CMIP: variants seen among roughly 807,000 people sequenced by gnomAD.
The protein encoded by CMIP is C-Maf-inducing protein.
Under a neutral mutation model 97.3 loss-of-function variants are expected in CMIP, and 13 were observed. That is an observed-to-expected ratio of 0.13 (90% confidence interval 0.09 to 0.21). The LOEUF (loss-of-function observed/expected upper bound fraction) is 0.21. CMIP is among the 10% of genes least tolerant of loss of function. CMIP has a pLI of 1.00. For synonymous variants in CMIP, 538 were observed against 436.3 expected (o/e 1.23, Z -2.91); for missense variants, 847 against 1,024.9 (o/e 0.83, Z 2.37).
chr16:81,708,243 C>G (rs1908371291), intron 20 of CMIP, among the ~76,000 whole-genome samples: 1 of 152,254 alleles, frequency 6.6e-6, no homozygotes, highest in African/African-American at 2.4e-5. Flanking sequence ...CAGCAGATCA[C>G]CCATCCCAGC....
chr16:81,469,691 C>G (rs141122258), intron 1 of CMIP, among the ~76,000 whole-genome samples: 3 of 152,292 alleles, frequency 2.0e-5, no homozygotes, highest in African/African-American at 2.4e-5. Flanking sequence ...AGAGAACTCA[C>G]TATGTGTGAC....
chr16:81,689,676 A>G (rs1191527036), intron 10 of CMIP, among the ~76,000 whole-genome samples: 2 of 152,154 alleles, frequency 1.3e-5, no homozygotes, highest in Non-Finnish European at 2.9e-5. Flanking sequence ...CCATTTGTCA[A>G]TTTTGGCTTT....
At chr16:81,617,741 G>C (rs1214817947) in intron 2 of CMIP, among the ~76,000 whole-genome samples, 1 of 152,178 alleles carries the variant, frequency 6.6e-6, no homozygotes, top group Non-Finnish European at 1.5e-5. Flanking sequence ...TGTGGAATCA[G>C]AAATAAGACC....
intron 1 of CMIP, among the ~76,000 whole-genome samples, chr16:81,563,144 A>G (rs561511261): frequency 3.9e-4 from 60 of 152,318 alleles, no homozygotes; most frequent in African/African-American, 1.3e-3. Flanking sequence ...ATCTGCCAAG[A>G]GGGGGCTTTG....
At chr16:81,709,115 T>C (rs983857640) in intron 20 of CMIP, among the ~76,000 whole-genome samples, 3 of 151,930 alleles carry the variant, frequency 2.0e-5, no homozygotes, top group Non-Finnish European at 2.9e-5. Context: ...TGGAGAGACA[T>C]AGCAGGTGGA....
intron 1 of CMIP, among the ~76,000 whole-genome samples, chr16:81,529,050 G>A (rs2090183726): frequency 6.6e-6 from 1 of 152,022 alleles, no homozygotes; most frequent in African/African-American, 2.4e-5. Context: ...TCAGGCCTTG[G>A]CTAGATACAG....
chr16:81,570,048 A>G (rs1181617412), intron 1 of CMIP, among the ~76,000 whole-genome samples: 1 of 152,150 alleles, frequency 6.6e-6, no homozygotes, highest in Non-Finnish European at 1.5e-5. Flanking sequence ...CCTGTGCTAG[A>G]ATCTTCCTTT....
At chr16:81,544,992 C>G (rs887167125) in intron 1 of CMIP, among the ~76,000 whole-genome samples, 9 of 152,146 alleles carry the variant, frequency 5.9e-5, no homozygotes, top group African/African-American at 2.2e-4. Context: ...ATTTTCATCT[C>G]CTGCCAGTTC....
At chr16:81,524,036 T>C (rs1017996970) in intron 1 of CMIP, among the ~76,000 whole-genome samples, 5 of 152,212 alleles carry the variant, frequency 3.3e-5, no homozygotes, top group African/African-American at 1.2e-4. Context: ...TGGAGTAGGC[T>C]TATTTTTCTG....
At chr16:81,559,619 T>C (rs570608271) in intron 1 of CMIP, among the ~76,000 whole-genome samples, 1 of 152,158 alleles carries the variant, frequency 6.6e-6, no homozygotes, top group African/African-American at 2.4e-5. Context: ...GTGCAATGCA[T>C]TGCTCAGGTG....
intron 18 of CMIP, 73 bp downstream of exon 18, chr16:81,704,158 C>G: frequency 7.2e-7 from 1 of 1,383,678 alleles, no homozygotes; most frequent in Admixed American, 2.0e-5. Context: ...CCTATTCCCC[C>G]GTACCATCTT....
At chr16:81,491,776 T>C (rs1013693027) in intron 1 of CMIP, among the ~76,000 whole-genome samples, 1 of 152,234 alleles carries the variant, frequency 6.6e-6, no homozygotes, top group African/African-American at 2.4e-5. Flanking sequence ...TGAGGATTGC[T>C]TGTATCGATT....
intron 1 of CMIP, among the ~76,000 whole-genome samples, chr16:81,572,837 C>A (rs1409891539): frequency 6.6e-6 from 1 of 152,140 alleles, no homozygotes; most frequent in African/African-American, 2.4e-5. Flanking sequence ...TGCTAGCCTG[C>A]CTGGGACTTC....
At chr16:81,556,697 G>A (rs1166445617) in intron 1 of CMIP, among the ~76,000 whole-genome samples, 1 of 152,174 alleles carries the variant, frequency 6.6e-6, no homozygotes, top group Non-Finnish European at 1.5e-5. Context: ...ACAGCAGTGT[G>A]GATGGACCAA....
At chr16:81,488,231 G>T (rs1478798855) in intron 1 of CMIP, among the ~76,000 whole-genome samples, 3 of 152,070 alleles carry the variant, frequency 2.0e-5, no homozygotes, top group Admixed American at 2.0e-4. Context: ...GCGACCGTAG[G>T]GGGTTAAGGG....
intron 1 of CMIP, among the ~76,000 whole-genome samples, chr16:81,584,089 G>C (rs1033615335): frequency 1.3e-5 from 2 of 152,132 alleles, no homozygotes; most frequent in African/African-American, 4.8e-5. Flanking sequence ...TGGGAGCGCC[G>C]AATCCAAGGG....
At chr16:81,672,109 G>A (rs918583121) in intron 9 of CMIP, 39 bp downstream of exon 9, 9 of 1,252,486 alleles carry the variant, frequency 7.2e-6, no homozygotes, top group African/African-American at 1.5e-5. Context: ...GGGCTTGGGA[G>A]GGGCAAACTG....
chr16:81,626,271 CTGAG>C (rs1168295810), intron 3 of CMIP, among the ~76,000 whole-genome samples: 1 of 151,160 alleles, frequency 6.6e-6, no homozygotes, highest in Non-Finnish European at 1.5e-5. Flanking sequence ...GCGAGAGTGA[CTGAG>C]TGTGACTGTG....
Position 81,709,836 on chromosome 16 carries a change from C to G in CMIP, c.*37C>G, listed in dbSNP as rs372049927. ...CAAGGCAGGAAGACGTTTGCAACCG[C>G]GACAAAATAACTCTTGACTAACAGC... is the stretch of plus-strand genomic sequence containing the variant. On this transcript the variant is annotated 3_prime_UTR_variant, in exon 21 of 21. Coordinates refer to ENST00000537098, the MANE Select transcript of CMIP (RefSeq NM_198390.3). The G allele has an allele frequency of 1.3e-6, 2 of 1,597,424 alleles. No homozygotes were observed. Among genetic ancestry groups the G allele is most frequent in the Non-Finnish European group, 1.7e-6 (2 of 1,169,898 alleles).
Sources: gnomAD v4.1 joint callset for allele counts (sites outside exome capture counted in the v4.1 genomes callset) on GRCh38, gnomAD v4.1.1 for gene constraint, MANE v1.5 for transcripts, NCBI Gene and HGNC (gene_info 2026-07-23, HGNC 2026-07-21) for gene names.